Variants in ZC3H12B observed in about 807,000 individuals in gnomAD.
The protein encoded by ZC3H12B is zinc finger CCCH-type containing 12B, also known as probable ribonuclease ZC3H12B.
Under a neutral mutation model 43.9 loss-of-function variants are expected in ZC3H12B, and 7 were observed. The ratio of observed to expected loss-of-function variants is 0.16; its 90% confidence interval spans 0.09 to 0.30. The LOEUF is 0.30. Ranked by LOEUF, ZC3H12B falls within the 10% of genes least tolerant of loss-of-function variation. The pLI is 1.00. For synonymous variants in ZC3H12B, 222 were observed against 241.7 expected (o/e 0.92, Z 0.76); for missense variants, 475 against 670.2 (o/e 0.71, Z 3.22).
intron 3 of ZC3H12B, among the ~76,000 whole-genome samples, chrX:65,459,867 G>A (rs2148174340): frequency 9.0e-6 from 1 of 111,414 alleles, no homozygotes; most frequent in East Asian, 2.8e-4. Context: ...GGGCAATTAG[G>A]CAGGAGAAGG....
At chrX:65,402,317 A>G (rs1020559575) in intron 3 of ZC3H12B, among the ~76,000 whole-genome samples, 1 of 111,676 alleles carries the variant, frequency 9.0e-6, no homozygotes, top group Admixed American at 9.4e-5. Context: ...CACAAGGTAG[A>G]CTTCTAAGTT....
At chrX:65,046,031 A>G in the ZC3H12B span, among the ~76,000 whole-genome samples, 2 of 111,794 alleles carry the variant, frequency 1.8e-5, no homozygotes, top group African/African-American at 3.2e-5. Flanking sequence ...AAACCATGCT[A>G]TAAACAGATG....
the ZC3H12B span, among the ~76,000 whole-genome samples, chrX:65,309,121 C>G: frequency 3.9e-5 from 4 of 103,216 alleles, no homozygotes; most frequent in Non-Finnish European, 7.8e-5. Context: ...TAGCAGAAGG[C>G]AAGAAATAAC....
intron 2 of ZC3H12B, among the ~76,000 whole-genome samples, chrX:65,391,302 T>C (rs1290477968): frequency 8.9e-6 from 1 of 112,518 alleles, no homozygotes; most frequent in Non-Finnish European, 1.9e-5. Context: ...TATAATTTTC[T>C]GACATAAAAA....
chrX:65,081,440 A>T, the ZC3H12B span, among the ~76,000 whole-genome samples: 41 of 111,684 alleles, frequency 3.7e-4, no homozygotes, highest in Middle Eastern at 4.6e-3. Flanking sequence ...GGATGGAAAA[A>T]GATATTCAAT....
the ZC3H12B span, among the ~76,000 whole-genome samples, chrX:65,151,953 G>C: frequency 5.1e-4 from 57 of 111,625 alleles, no homozygotes; most frequent in Non-Finnish European, 1.3e-4. Flanking sequence ...CTGTAATCCA[G>C]CATATAAACA....
the ZC3H12B span, among the ~76,000 whole-genome samples, chrX:65,333,995 A>C: frequency 1.8e-5 from 2 of 111,883 alleles, no homozygotes; most frequent in African/African-American, 6.5e-5. Context: ...GCCAAAAACC[A>C]TTTCATTTTT....
the ZC3H12B span, among the ~76,000 whole-genome samples, chrX:65,061,464 GT>G: frequency 8.9e-6 from 1 of 112,195 alleles, no homozygotes; most frequent in Non-Finnish European, 1.9e-5. Context: ...ATGGTTTCCA[GT>G]TTCATCCATG....
chrX:65,152,221 G>A, the ZC3H12B span, among the ~76,000 whole-genome samples: 5 of 111,569 alleles, frequency 4.5e-5, no homozygotes, highest in Admixed American at 4.8e-4. Context: ...AGTGTTGGAA[G>A]TTCTGGCCAG....
At chrX:65,455,810 G>T (rs927313472) in intron 3 of ZC3H12B, among the ~76,000 whole-genome samples, 1 of 112,006 alleles carries the variant, frequency 8.9e-6, no homozygotes, top group Non-Finnish European at 1.9e-5. Context: ...AGAAGAGAGT[G>T]GGGGCCAATA....
the ZC3H12B span, among the ~76,000 whole-genome samples, chrX:65,124,740 C>A: frequency 2.7e-5 from 3 of 110,629 alleles, no homozygotes; most frequent in South Asian, 3.8e-4. Flanking sequence ...AGAAATTTAT[C>A]CATATCCTCT....
chrX:65,476,970 C>T (rs1190610934), intron 3 of ZC3H12B, among the ~76,000 whole-genome samples: 1 of 106,603 alleles, frequency 9.4e-6, no homozygotes, highest in African/African-American at 3.5e-5. Flanking sequence ...TACAGACATG[C>T]ACCATCACTC....
the ZC3H12B span, among the ~76,000 whole-genome samples, chrX:65,140,346 AGAT>A: frequency 9.0e-6 from 1 of 111,482 alleles, no homozygotes; most frequent in Admixed American, 9.5e-5. Context: ...TGATCTATTT[AGAT>A]GATCAACTGG....
At chrX:65,323,444 T>G in the ZC3H12B span, among the ~76,000 whole-genome samples, 1 of 111,796 alleles carries the variant, frequency 8.9e-6, no homozygotes, top group Non-Finnish European at 1.9e-5. Context: ...ACATGTGGTG[T>G]TTGGTTTTCT....
the ZC3H12B span, among the ~76,000 whole-genome samples, chrX:65,131,639 G>A: frequency 1.8e-5 from 2 of 111,413 alleles, no homozygotes; most frequent in African/African-American, 6.5e-5. Context: ...TAGTCAGGAT[G>A]GTAAAACTAG....
the ZC3H12B span, among the ~76,000 whole-genome samples, chrX:65,087,610 A>G: frequency 1.8e-5 from 2 of 111,727 alleles, no homozygotes; most frequent in Admixed American, 9.5e-5. Flanking sequence ...TTAGAGAGCC[A>G]GTAAAGAGAA....
chrX:65,403,914 GA>G (rs887768836), intron 3 of ZC3H12B, among the ~76,000 whole-genome samples: 1 of 111,371 alleles, frequency 9.0e-6, no homozygotes, highest in Non-Finnish European at 1.9e-5. Context: ...TAAGTGCACA[GA>G]AAAAAACACC....
At chrX:65,450,146 A>C (rs2067451927) in intron 3 of ZC3H12B, among the ~76,000 whole-genome samples, 1 of 106,833 alleles carries the variant, frequency 9.4e-6, no homozygotes, top group African/African-American at 3.4e-5. Context: ...CTCTACTAAA[A>C]ATACAAAAAT....
chrX:65,278,606 G>C, the ZC3H12B span, among the ~76,000 whole-genome samples: 1 of 111,587 alleles, frequency 9.0e-6, no homozygotes, highest in South Asian at 3.8e-4. Context: ...AACTGAATCA[G>C]TAATACAGTC....
Sources: gnomAD v4.1 joint callset for allele counts (sites outside exome capture counted in the v4.1 genomes callset) on GRCh38, gnomAD v4.1.1 for gene constraint, MANE v1.5 for transcripts, NCBI Gene and HGNC (gene_info 2026-07-23, HGNC 2026-07-21) for gene names.